The following RNF150 variants were observed in gnomAD, a reference collection of about 807,000 sequenced individuals.
RNF150 encodes the protein ring finger protein 150.
RNF150 carries 24 observed loss-of-function variants against 39.3 expected under a neutral mutation model. The observed-to-expected ratio is 0.61, with a 90% CI of 0.44 to 0.86. The LOEUF is 0.86. Among genes scored for constraint, RNF150 ranks in the 40% least tolerant of loss-of-function variants. The pLI, the probability that RNF150 is intolerant of heterozygous loss-of-function variation, is 0.00. For missense variants in RNF150, 502 were observed against 587.8 expected, an observed-to-expected ratio of 0.85 and a Z score of 1.51; for synonymous variants, 255 against 227.3, an observed-to-expected ratio of 1.12 and a Z score of -1.10.
At chr4:140,935,767 G>A (rs985773700) in intron 4 of RNF150, among the ~76,000 whole-genome samples, 2 of 152,026 alleles carry the variant, frequency 1.3e-5, no homozygotes, top group Non-Finnish European at 2.9e-5. Flanking sequence ...TAGCTTCTTT[G>A]GTACTTAAGT....
At chr4:141,171,679 A>C (rs1171305373) in intron 1 of RNF150, among the ~76,000 whole-genome samples, 2 of 152,210 alleles carry the variant, frequency 1.3e-5, no homozygotes, top group African/African-American at 2.4e-5. Context: ...CCATAGCCCA[A>C]ATTATACACA....
At chr4:140,957,880 T>G (rs7666146) in intron 2 of RNF150, among the ~76,000 whole-genome samples, 39,872 of 135,626 alleles carry the variant, frequency 0.29, 5,633 homozygotes, top group Middle Eastern at 0.41. Flanking sequence ...AAGGGGAACG[T>G]CACACTCTGG....
At chr4:140,875,337 C>T (rs1023261465) in intron 6 of RNF150, among the ~76,000 whole-genome samples, 1 of 151,994 alleles carries the variant, frequency 6.6e-6, no homozygotes, top group African/African-American at 2.4e-5. Context: ...CCATATCTGG[C>T]TAATTAAAAT....
At chr4:141,089,896 T>C (rs1476066756) in intron 1 of RNF150, among the ~76,000 whole-genome samples, 1 of 152,226 alleles carries the variant, frequency 6.6e-6, no homozygotes, top group African/African-American at 2.4e-5. Flanking sequence ...TGTCATGCTT[T>C]TAATTAGTAA....
chr4:141,025,002 T>C (rs1735643420), intron 1 of RNF150, among the ~76,000 whole-genome samples: 1 of 152,174 alleles, frequency 6.6e-6, no homozygotes, highest in Non-Finnish European at 1.5e-5. Context: ...GAAAAATAGT[T>C]GTATTGTGTG....
chr4:140,874,715 G>A (rs1311283155), intron 6 of RNF150, among the ~76,000 whole-genome samples: 2 of 152,130 alleles, frequency 1.3e-5, no homozygotes, highest in Non-Finnish European at 2.9e-5. Flanking sequence ...GGGTTCAAGC[G>A]ATTCTTCTGC....
intron 1 of RNF150, among the ~76,000 whole-genome samples, chr4:141,079,355 G>A (rs991890966): frequency 3.9e-5 from 6 of 152,100 alleles, no homozygotes; most frequent in African/African-American, 1.4e-4. Flanking sequence ...GCTAAACACT[G>A]CTTTTTTTCC....
chr4:141,156,540 C>G (rs1361827060), intron 1 of RNF150, among the ~76,000 whole-genome samples: 2 of 151,950 alleles, frequency 1.3e-5, no homozygotes, highest in East Asian at 3.9e-4. Context: ...CTCAGCCTCC[C>G]AAGTAGCTGG....
At chr4:141,135,970 G>C (rs563351300), upstream of RNF150, among the ~76,000 whole-genome samples, 2 of 152,202 alleles carry the variant, frequency 1.3e-5, no homozygotes, top group Admixed American at 1.3e-4. Flanking sequence ...ACACGGCATG[G>C]TCTAGACATA....
At position 141,207,919 on chromosome 4, in the gene RNF150, C is replaced by A. The variant is rs566317308; in HGVS notation, c.-6+4875G>T. 7.8e-4 allele frequency among the ~76,000 whole-genome samples: 119 copies of A among 152,150 alleles called. 1 individual carries two copies. The highest frequency in any genetic ancestry group is 2.8e-3 in the African/African-American group (116 of 41,480). On this transcript the variant is annotated intron_variant, in intron 1 of 7. Transcript: ENST00000420921. ...AAGAAACCATTGCAGGTATTTCAAGCAGGAAAGATTTAACACAACATACTA... is the reference window on the plus strand; with the variant it reads ...AAGAAACCATTGCAGGTATTTCAAGAAGGAAAGATTTAACACAACATACTA...
At chr4:141,131,225 A>G (rs1560753076) in intron 1 of RNF150, among the ~76,000 whole-genome samples, 1 of 152,242 alleles carries the variant, frequency 6.6e-6, no homozygotes, top group African/African-American at 2.4e-5. Flanking sequence ...TATTTATTCA[A>G]ATTTGGTTTT....
chr4:141,209,863 A>G (rs1337027813), intron 1 of RNF150, among the ~76,000 whole-genome samples: 1 of 152,100 alleles, frequency 6.6e-6, no homozygotes, highest in East Asian at 1.9e-4. Context: ...AGAACCCTAT[A>G]ATTTCTAATA....
At chr4:141,057,057 AT>A (rs1414023382) in intron 1 of RNF150, among the ~76,000 whole-genome samples, 1 of 152,064 alleles carries the variant, frequency 6.6e-6, no homozygotes, top group Non-Finnish European at 1.5e-5. Context: ...TGGTTTCCTC[AT>A]CTATAAAATG....
At chr4:141,084,960 G>A (rs903203143) in intron 1 of RNF150, among the ~76,000 whole-genome samples, 5 of 152,176 alleles carry the variant, frequency 3.3e-5, no homozygotes, top group Non-Finnish European at 7.3e-5. Flanking sequence ...GTGATGTTCT[G>A]TAACTTCTGA....
intron 1 of RNF150, among the ~76,000 whole-genome samples, chr4:141,150,747 A>G (rs1727283171): frequency 6.6e-6 from 1 of 152,040 alleles, no homozygotes; most frequent in Admixed American, 6.6e-5. Flanking sequence ...TCTACCTCCT[A>G]CTAGAATGTA....
At chr4:141,005,892 C>A (rs1160786992) in intron 1 of RNF150, among the ~76,000 whole-genome samples, 1 of 139,284 alleles carries the variant, frequency 7.2e-6, no homozygotes, top group East Asian at 1.9e-4. Flanking sequence ...AACGGTGAAA[C>A]CCCGTCTCTA....
chr4:140,971,647 G>A (rs1733470219), intron 1 of RNF150, among the ~76,000 whole-genome samples: 1 of 152,072 alleles, frequency 6.6e-6, no homozygotes, highest in African/African-American at 2.4e-5. Flanking sequence ...CGACAGCAGA[G>A]GAGCATCCTG....
At chr4:141,007,054 T>C (rs1734895726) in intron 1 of RNF150, among the ~76,000 whole-genome samples, 1 of 152,198 alleles carries the variant, frequency 6.6e-6, no homozygotes. Context: ...AATCTTTGCA[T>C]TGTATTACTT....
At chr4:141,004,067 T>C (rs372845156) in intron 1 of RNF150, among the ~76,000 whole-genome samples, 147 of 152,316 alleles carry the variant, frequency 9.7e-4, no homozygotes, top group Admixed American at 2.3e-3. Flanking sequence ...GGTTCTATAC[T>C]GGTTTCAGTT....
Sources: allele counts gnomAD v4.1 joint callset (sites outside exome capture counted in the v4.1 genomes callset), GRCh38; gene constraint gnomAD v4.1.1; transcripts MANE v1.5; gene names NCBI Gene and HGNC (gene_info 2026-07-23, HGNC 2026-07-21).